CCDC150: variants seen among roughly 807,000 people sequenced by gnomAD.
CCDC150 encodes coiled-coil domain-containing protein 150.
CCDC150 carries 151 observed loss-of-function variants against 156.5 expected under a neutral mutation model. That is an observed-to-expected ratio of 0.97 (90% CI 0.85 to 1.10). The LOEUF (loss-of-function observed/expected upper bound fraction) is 1.10. Ranked by LOEUF, CCDC150 falls within the 50% of genes least tolerant of loss-of-function variation. The probability of loss-of-function intolerance (pLI) is 0.00; values close to 1 mark genes in which losing one functional copy is unlikely to be tolerated. For synonymous variants in CCDC150, 452 were observed against 429.4 expected (o/e 1.05, Z -0.65); for missense variants, 1,312 against 1,268.1 (o/e 1.03, Z -0.53).
Position 196,732,147 on chromosome 2 carries a change from G to A in CCDC150, c.3184G>A (p.Glu1062Lys), listed in dbSNP as rs772598978. The A allele has an allele frequency of 1.2e-6, 2 of 1,613,848 alleles. No individual in the cohort carries two copies. The highest frequency in any genetic ancestry group is 1.1e-5 in the South Asian group (1 of 91,066). Reference protein sequence around the residue: ...QRPSGEDRWQEKDQDVKHDVM... With the variant: ...QRPSGEDRWQKKDQDVKHDVM... ...GCCTTCTGGGGAAGACAGGTGGCAG[G>A]AAAAGGTAAGATTAAGACATGGATG... The change falls in exon 27 of 28, where the codon GAA (glutamate) becomes AAA (lysine). Residue 1062 changes from glutamate (E) to lysine (K), a missense_variant. Physicochemically the swap from Glu to Lys is moderately conservative, Grantham distance 56. Transcript: ENST00000389175.
intron 1 of CCDC150, among the ~76,000 whole-genome samples, chr2:196,643,857 A>G (rs1692378161): frequency 6.6e-6 from 1 of 152,220 alleles, no homozygotes; most frequent in African/African-American, 2.4e-5. Flanking sequence ...TACTATATGT[A>G]GAAGAAAGTG....
intron 19 of CCDC150, 93 bp downstream of exon 19, chr2:196,719,759 C>A (rs760695125): frequency 3.5e-6 from 3 of 848,762 alleles, no homozygotes; most frequent in South Asian, 4.1e-5. Flanking sequence ...TATGTAGCTT[C>A]CTTTACAAAA....
At chr2:196,693,608 C>T (rs1695618895) in intron 13 of CCDC150, among the ~76,000 whole-genome samples, 1 of 152,138 alleles carries the variant, frequency 6.6e-6, no homozygotes, top group Non-Finnish European at 1.5e-5. Flanking sequence ...TTTTATTTCT[C>T]CTTTTCCAAT....
intron 7 of CCDC150, 127 bp from the exon 8 acceptor site, chr2:196,669,703 ATAT>A: frequency 1.6e-6 from 1 of 636,642 alleles, no homozygotes; most frequent in Admixed American, 3.0e-5. Context: ...GTCTATAAAA[ATAT>A]TATAGAAATA....
intron 6 of CCDC150, among the ~76,000 whole-genome samples, 171 bp downstream of exon 6, chr2:196,665,854 A>G (rs1294791021): frequency 6.6e-6 from 1 of 152,136 alleles, no homozygotes; most frequent in Admixed American, 6.5e-5. Flanking sequence ...GTTAGTGCAA[A>G]ATAAGAAAGA....
At chr2:196,671,244 A>G (rs1694181533) in intron 8 of CCDC150, among the ~76,000 whole-genome samples, 1 of 151,918 alleles carries the variant, frequency 6.6e-6, no homozygotes, top group African/African-American at 2.4e-5. Flanking sequence ...CTCCCCTTCT[A>G]ATCCCTGGCA....
chr2:196,692,224 T>G (rs1575851928), intron 13 of CCDC150, among the ~76,000 whole-genome samples: 1 of 147,566 alleles, frequency 6.8e-6, no homozygotes, highest in African/African-American at 2.5e-5. Context: ...AAGCTCCGCT[T>G]CCCGGGTTCA....
At chr2:196,649,978 ATTTCT>A (rs1209394296) in intron 2 of CCDC150, among the ~76,000 whole-genome samples, 2 of 151,858 alleles carry the variant, frequency 1.3e-5, no homozygotes, top group African/African-American at 4.8e-5. Flanking sequence ...TCCTGTTTGG[ATTTCT>A]TTTATTTCTT....
At chr2:196,727,712 C>A (rs1385104356) in intron 22 of CCDC150, 2 of 151,950 alleles carry the variant, frequency 1.3e-5, no homozygotes. Context: ...AGTCGGAGAT[C>A]ATTGTTAAGA....
At chr2:196,691,542 G>T (rs1695473948) in intron 13 of CCDC150, among the ~76,000 whole-genome samples, 1 of 151,932 alleles carries the variant, frequency 6.6e-6, no homozygotes, top group Non-Finnish European at 1.5e-5. Context: ...ATTTCTGTGG[G>T]GTCAGTGGTA....
chr2:196,666,691 A>G lies in CCDC150; in HGVS notation c.763-28A>G, dbSNP rs1307530657. Reference sequence around the variant, plus strand: ...CTTATTTGAAATCTTTATCTCACAGAAAAAGAGTTTTTCTTATACAATTTC... The same window carrying G: ...CTTATTTGAAATCTTTATCTCACAGGAAAAGAGTTTTTCTTATACAATTTC... On this transcript the variant is annotated intron_variant, in intron 6 of 27. Coordinates refer to ENST00000389175, the MANE Select transcript of CCDC150 (RefSeq NM_001080539.2). 6 of 1,562,416 alleles carry G rather than the reference A, an allele frequency of 3.8e-6. No homozygotes were observed. In the Admixed American group the frequency reaches 1.0e-4, roughly 26 times the overall value.
chr2:196,657,103 G>T lies in CCDC150; in HGVS notation c.543G>T (p.Leu181Phe). The T allele has an allele frequency of 6.2e-7, 1 of 1,613,760 alleles. No homozygotes were observed. The highest frequency in any genetic ancestry group is 1.1e-5 in the South Asian group (1 of 91,028). Residue 181 changes from leucine (L) to phenylalanine (F), a missense_variant, in exon 4 of 28, where the codon TTG becomes TTT. Leu to Phe is a conservative substitution (Grantham distance 22). Transcript: ENST00000389175. ...AGGCACAAGATGAGGTGCAAAGGTT[G>T]ACTGCCACTCTGAAGATTGCCTCGC... ...EDKAQDEVQR[L>F]TATLKIASQT...
At chr2:196,707,846 T>C (rs1021037421) in intron 15 of CCDC150, among the ~76,000 whole-genome samples, 1 of 151,440 alleles carries the variant, frequency 6.6e-6, no homozygotes, top group African/African-American at 2.4e-5. Flanking sequence ...TTAATGCTAA[T>C]TTGATTGTAC....
chr2:196,678,809 G>C (rs544859372), intron 13 of CCDC150, among the ~76,000 whole-genome samples: 4 of 152,144 alleles, frequency 2.6e-5, no homozygotes, highest in Non-Finnish European at 5.9e-5. Context: ...GGGTGACTGA[G>C]GCATGAGAAT....
At chr2:196,669,746 A>C in intron 7 of CCDC150, 87 bp from the exon 8 acceptor site, 1 of 890,770 alleles carries the variant, frequency 1.1e-6, no homozygotes, top group Middle Eastern at 2.4e-4. Context: ...TACAAAAAAT[A>C]GACATAAAAT....
intron 7 of CCDC150, 151 bp downstream of exon 7, chr2:196,666,999 G>A (rs1693886308): frequency 5.4e-6 from 4 of 737,412 alleles, no homozygotes; most frequent in African/African-American, 1.8e-5. Context: ...CCTTCTACCT[G>A]CAGTACTGAG....
Position 196,682,235 on chromosome 2 carries a change from T to C in CCDC150, c.1509+4874T>C, listed in dbSNP as rs116683528. Among the ~76,000 whole-genome samples, 1,297 of 152,172 alleles carry C rather than the reference T, an allele frequency of 8.5e-3. 22 individuals are homozygous for C. The highest frequency in any genetic ancestry group is 0.029 in the African/African-American group (1,199 of 41,564). The stretch of plus-strand genomic sequence containing the variant: ...ATCATTCATTCTTTCTATGGAATAG[T>C]TTTCACTCCCCTGTCAAAAATCAAT... On this transcript the variant is annotated intron_variant, in intron 13 of 27. Transcript: ENST00000389175.
intron 13 of CCDC150, among the ~76,000 whole-genome samples, chr2:196,691,920 A>C (rs1425193561): frequency 6.6e-6 from 1 of 152,004 alleles, no homozygotes; most frequent in Non-Finnish European, 1.5e-5. Flanking sequence ...CAGCCTGGGC[A>C]ACAGAGCAAG....
chr2:196,691,355 A>G (rs954806350), intron 13 of CCDC150, among the ~76,000 whole-genome samples: 1 of 152,152 alleles, frequency 6.6e-6, no homozygotes, highest in Non-Finnish European at 1.5e-5. Flanking sequence ...TCTGGTTGCT[A>G]GGCTATTTGT....
Sources: gnomAD v4.1 joint callset for allele counts (sites outside exome capture counted in the v4.1 genomes callset) on GRCh38, gnomAD v4.1.1 for gene constraint, MANE v1.5 for transcripts, NCBI Gene and HGNC (gene_info 2026-07-23, HGNC 2026-07-21) for gene names.